POLR3B: variants seen among roughly 807,000 people sequenced by gnomAD.
POLR3B encodes the protein RNA polymerase III subunit B.
Under a neutral mutation model 147.4 loss-of-function variants are expected in POLR3B, and 96 were observed. The ratio of observed to expected loss-of-function variants is 0.65; its 90% CI spans 0.55 to 0.77. POLR3B has a LOEUF of 0.77. POLR3B is among the 30% of genes least tolerant of loss of function. The pLI is 0.00. For synonymous variants in POLR3B, 461 were observed against 485.9 expected (o/e 0.95, Z 0.67); for missense variants, 1,036 against 1,413.5 (o/e 0.73, Z 4.28).
At chr12:106,495,054 A>G (rs1043706678) in intron 23 of POLR3B, among the ~76,000 whole-genome samples, 1 of 152,226 alleles carries the variant, frequency 6.6e-6, no homozygotes, top group Non-Finnish European at 1.5e-5. Flanking sequence ...TAATAACTTT[A>G]TACACAGAGA....
At chr12:106,441,610 CATAT>C (rs2037652191) in intron 18 of POLR3B, among the ~76,000 whole-genome samples, 1 of 152,128 alleles carries the variant, frequency 6.6e-6, no homozygotes. Flanking sequence ...TGACTGTATA[CATAT>C]ATATATTTTT....
At chr12:106,427,125 A>C in intron 12 of POLR3B, 72 bp from the exon 13 acceptor site, 1 of 997,334 alleles carries the variant, frequency 1.0e-6, no homozygotes, top group Non-Finnish European at 1.5e-6. Context: ...AAATCTTAAG[A>C]CCTAAAATTT....
intron 26 of POLR3B, among the ~76,000 whole-genome samples, chr12:106,503,770 T>A (rs1480739658): frequency 1.3e-5 from 2 of 152,256 alleles, no homozygotes; most frequent in Non-Finnish European, 2.9e-5. Flanking sequence ...GTGATGGTAA[T>A]AGTAATGGTG....
intron 9 of POLR3B, among the ~76,000 whole-genome samples, chr12:106,385,898 T>C (rs1406248236): frequency 1.3e-5 from 2 of 152,220 alleles, no homozygotes; most frequent in Non-Finnish European, 2.9e-5. Flanking sequence ...TACCATGATA[T>C]CAGAGGGCCC....
intron 9 of POLR3B, 64 bp downstream of exon 9, chr12:106,380,203 A>T: frequency 1.1e-6 from 1 of 923,178 alleles, no homozygotes; most frequent in Non-Finnish European, 1.8e-6. Flanking sequence ...TACATATGTA[A>T]TTAGAGATTT....
chr12:106,480,902 A>G (rs1301150593), intron 23 of POLR3B, among the ~76,000 whole-genome samples: 1 of 151,920 alleles, frequency 6.6e-6, no homozygotes, highest in Non-Finnish European at 1.5e-5. Context: ...GGGGGATGGG[A>G]AGCATGTGAG....
chr12:106,369,402 G>T (rs754698844), intron 5 of POLR3B, 52 bp downstream of exon 5: 6 of 1,065,856 alleles, frequency 5.6e-6, no homozygotes, highest in Non-Finnish European at 5.9e-6. Flanking sequence ...CTCAGAGTCT[G>T]CCCTTAATAT....
intron 27 of POLR3B, chr12:106,507,774 C>T (rs765192977): frequency 1.1e-5 from 5 of 456,038 alleles, no homozygotes; most frequent in East Asian, 6.9e-5. Context: ...ACCACCACCA[C>T]GTGCACATTC....
chr12:106,507,135 C>T (rs1383220561), intron 27 of POLR3B, among the ~76,000 whole-genome samples: 1 of 152,096 alleles, frequency 6.6e-6, no homozygotes, highest in African/African-American at 2.4e-5. Context: ...AAGAAAATCC[C>T]TATTAAGGTA....
rs542138256 is a variant in POLR3B, at chr12:106,488,560, A to C, written c.2714-7495A>C. On this transcript the variant is annotated intron_variant, in intron 23 of 27. Coordinates refer to ENST00000228347, the MANE Select transcript of POLR3B (RefSeq NM_018082.6). ...AAGCCATGACTTATCTGGTTGAGGC[A>C]TAATGATGTTCCAAAGGGAAAACAG... 2.6e-5 allele frequency among the ~76,000 whole-genome samples: 4 copies of C among 152,344 alleles called. 1 individual carries two copies. Among genetic ancestry groups the C allele is most frequent in the African/African-American group, 9.6e-5 (4 of 41,576 alleles).
At chr12:106,383,988 A>G (rs1335655763) in intron 9 of POLR3B, among the ~76,000 whole-genome samples, 2 of 150,968 alleles carry the variant, frequency 1.3e-5, no homozygotes, top group Non-Finnish European at 2.9e-5. Flanking sequence ...AAAAAAAAAA[A>G]AGAGAGAGAA....
chr12:106,495,008 T>A (rs2038458339), intron 23 of POLR3B, among the ~76,000 whole-genome samples: 1 of 152,216 alleles, frequency 6.6e-6, no homozygotes, highest in Admixed American at 6.5e-5. Context: ...GAATGAAATA[T>A]TTGAGAGCAG....
At chr12:106,417,597 A>C (rs935797358) in intron 12 of POLR3B, among the ~76,000 whole-genome samples, 2 of 152,192 alleles carry the variant, frequency 1.3e-5, no homozygotes, top group African/African-American at 4.8e-5. Context: ...ATAGTACCAC[A>C]ACTAAAATTT....
At position 106,463,742 on chromosome 12, in the gene POLR3B, AT is replaced by A. The variant is rs2037969964; in HGVS notation, c.2713+124del. 31 of 799,292 alleles carry A rather than the reference AT, an allele frequency of 3.9e-5. No individual in the cohort carries two copies. In the South Asian group the frequency reaches 4.6e-4, roughly 12 times the overall value. The allele number at this position is 799,292 out of a possible 1,614,324, so 49.5% of individuals were successfully genotyped here. A position where few individuals can be genotyped will look rare whatever the true frequency, so the allele number is the denominator to read the frequency against. ...GGAAAAGTATTACATTGTTATAAAA[AT>A]TAATCTTGTTTTATTTCTTAGATTA... On this transcript the variant is annotated intron_variant, in intron 23 of 27. Transcript: ENST00000228347.
intron 9 of POLR3B, among the ~76,000 whole-genome samples, chr12:106,388,990 A>G (rs1186920264): frequency 1.3e-5 from 2 of 152,178 alleles, no homozygotes; most frequent in African/African-American, 4.8e-5. Context: ...GAAATGTATT[A>G]TCTCTGCTAT....
intron 16 of POLR3B, among the ~76,000 whole-genome samples, chr12:106,435,326 G>A (rs944052918): frequency 6.8e-6 from 1 of 147,228 alleles, no homozygotes; most frequent in Non-Finnish European, 1.5e-5. Flanking sequence ...TGTATTATTA[G>A]TAGTGATGGG....
intron 23 of POLR3B, among the ~76,000 whole-genome samples, chr12:106,492,409 A>G (rs930881430): frequency 2.0e-5 from 3 of 152,132 alleles, no homozygotes; most frequent in Non-Finnish European, 2.9e-5. Context: ...AATTAGCTGG[A>G]CGTGGTGGCA....
chr12:106,459,854 G>GT (rs1207818692), intron 22 of POLR3B, among the ~76,000 whole-genome samples: 2 of 152,096 alleles, frequency 1.3e-5, no homozygotes, highest in African/African-American at 4.8e-5. Flanking sequence ...GTTAGCTTCA[G>GT]TTTTTTCATT....
chr12:106,372,293 TG>T (rs1353812096), intron 6 of POLR3B, among the ~76,000 whole-genome samples: 2 of 151,568 alleles, frequency 1.3e-5, no homozygotes, highest in African/African-American at 4.8e-5. Flanking sequence ...TATTTTTTTC[TG>T]GGGGTTATTA....
Sources: gnomAD v4.1 joint callset for allele counts (sites outside exome capture counted in the v4.1 genomes callset) on GRCh38, gnomAD v4.1.1 for gene constraint, MANE v1.5 for transcripts, NCBI Gene and HGNC (gene_info 2026-07-23, HGNC 2026-07-21) for gene names.